Variants in CDC42BPA observed in about 807,000 individuals in gnomAD.
CDC42BPA encodes the protein serine/threonine-protein kinase MRCK alpha.
CDC42BPA carries 80 observed loss-of-function variants against 223.5 expected under a neutral mutation model. The ratio of observed to expected loss-of-function variants is 0.36; its 90% CI spans 0.30 to 0.43. The LOEUF (loss-of-function observed/expected upper bound fraction) is 0.43, where lower values mean the gene tolerates loss of function less well. Among genes scored for constraint, CDC42BPA ranks in the 20% least tolerant of loss-of-function variants. The pLI is 1.00. For synonymous variants in CDC42BPA, 694 were observed against 718.6 expected (o/e 0.97, Z 0.55); for missense variants, 1,743 against 2,099.9 (o/e 0.83, Z 3.32).
intron 5 of CDC42BPA, among the ~76,000 whole-genome samples, chr1:227,179,176 T>G (rs989011770): frequency 6.6e-6 from 1 of 152,022 alleles, no homozygotes; most frequent in Non-Finnish European, 1.5e-5. Context: ...GCTGGGGAAA[T>G]AGGGAAACAG....
At chr1:227,190,104 T>G (rs977767235) in intron 5 of CDC42BPA, among the ~76,000 whole-genome samples, 2 of 152,206 alleles carry the variant, frequency 1.3e-5, no homozygotes, top group African/African-American at 4.8e-5. Context: ...AACTAGTCTA[T>G]TAAGTATTTT....
At chr1:227,104,092 CTAAAT>C (rs2149333544) in intron 14 of CDC42BPA, among the ~76,000 whole-genome samples, 1 of 152,074 alleles carries the variant, frequency 6.6e-6, no homozygotes, top group East Asian at 1.9e-4. Context: ...ATTAAGACTA[CTAAAT>C]TAAATTAGCA....
At chr1:227,195,192 TTTTG>T (rs1012047332) in intron 4 of CDC42BPA, among the ~76,000 whole-genome samples, 24 of 152,070 alleles carry the variant, frequency 1.6e-4, no homozygotes, top group East Asian at 9.7e-4. Context: ...GGCCCAACGT[TTTTG>T]TTTGTTTGTT....
At chr1:227,052,092 AAGG>A (rs1673637804) in intron 21 of CDC42BPA, 107 bp from the exon 22 acceptor site, 2 of 530,716 alleles carry the variant, frequency 3.8e-6, no homozygotes, top group Non-Finnish European at 7.0e-6. Context: ...TTTCTTGAGA[AAGG>A]AGGATAACAA....
intron 16 of CDC42BPA, among the ~76,000 whole-genome samples, chr1:227,091,277 G>A (rs1245470380): frequency 6.6e-6 from 1 of 152,200 alleles, no homozygotes; most frequent in African/African-American, 2.4e-5. Context: ...CGAATCTCAG[G>A]TTGAAATGTG....
At chr1:227,097,283 T>C (rs1684182145) in intron 15 of CDC42BPA, among the ~76,000 whole-genome samples, 1 of 152,096 alleles carries the variant, frequency 6.6e-6, no homozygotes, top group South Asian at 2.1e-4. Context: ...TCTCTGCCTC[T>C]ACTTTTCCAC....
At chr1:227,034,210 T>C (rs906139523) in intron 26 of CDC42BPA, among the ~76,000 whole-genome samples, 3 of 152,162 alleles carry the variant, frequency 2.0e-5, no homozygotes, top group Admixed American at 6.5e-5. Flanking sequence ...GAGAGAGAAC[T>C]AAGGAACACA....
chr1:227,140,619 AG>A (rs1333546201), intron 9 of CDC42BPA, among the ~76,000 whole-genome samples: 2 of 152,164 alleles, frequency 1.3e-5, no homozygotes, highest in African/African-American at 4.8e-5. Context: ...AAAGTAAGGC[AG>A]TCATGTAGGG....
intron 5 of CDC42BPA, chr1:227,183,183 T>C (rs1360234994): frequency 6.6e-6 from 1 of 152,228 alleles, no homozygotes; most frequent in Non-Finnish European, 1.5e-5. Flanking sequence ...GCCTAGTACA[T>C]GCCATTTTAA....
intron 3 of CDC42BPA, among the ~76,000 whole-genome samples, chr1:227,205,394 A>G (rs2150287127): frequency 6.6e-6 from 1 of 151,882 alleles, no homozygotes; most frequent in East Asian, 1.9e-4. Context: ...ATAGAAGTGA[A>G]AAAACAATAC....
At position 226,993,980 on chromosome 1, in the gene CDC42BPA, G is replaced by A. The variant is rs1244294482; in HGVS notation, c.*288C>T. ...ACATTTGTGTAATCTGTCTATTTAAGCTACCTTTGGGAGTAGGGGTAAAAT... is the reference window on the plus strand; with the variant it reads ...ACATTTGTGTAATCTGTCTATTTAAACTACCTTTGGGAGTAGGGGTAAAAT... On this transcript the variant is annotated 3_prime_UTR_variant, in exon 37 of 37. Coordinates refer to ENST00000366766, the MANE Select transcript of CDC42BPA (RefSeq NM_001394014.1). 1 of 309,282 alleles carries A rather than the reference G, an allele frequency of 3.2e-6. No homozygotes were observed. Among genetic ancestry groups the A allele is most frequent in the African/African-American group, 2.2e-5 (1 of 45,800 alleles). 19.2% of individuals were successfully genotyped at this position (309,282 alleles called of 1,614,324 possible).
intron 1 of CDC42BPA, 112 bp from the exon 2 acceptor site, chr1:227,254,267 G>A: frequency 1.7e-6 from 1 of 573,824 alleles, no homozygotes; most frequent in South Asian, 2.4e-5. Context: ...TTTAAGAATT[G>A]TCAAAATATT....
At chr1:227,250,184 T>TA (rs933316484) in intron 2 of CDC42BPA, among the ~76,000 whole-genome samples, 13 of 151,564 alleles carry the variant, frequency 8.6e-5, no homozygotes, top group Non-Finnish European at 1.2e-4. Context: ...CCACAAAAAT[T>TA]AAAAAAAATA....
chr1:227,270,992 G>A (rs1483342411), intron 1 of CDC42BPA, among the ~76,000 whole-genome samples: 1 of 152,068 alleles, frequency 6.6e-6, no homozygotes, highest in East Asian at 1.9e-4. Context: ...TGAAGACTTG[G>A]GGTGTTTACA....
intron 21 of CDC42BPA, among the ~76,000 whole-genome samples, chr1:227,057,051 C>G (rs967582006): frequency 6.6e-6 from 1 of 152,064 alleles, no homozygotes; most frequent in African/African-American, 2.4e-5. Flanking sequence ...AGAATTTACA[C>G]ATATTCTAAG....
In CDC42BPA at chr1:226,994,042, C is replaced by A; in HGVS notation, c.*226G>T. 1 of 489,700 alleles carries A rather than the reference C, an allele frequency of 2.0e-6. No homozygotes were observed. The allele number at this position is 489,700 out of a possible 1,614,324, so 30.3% of individuals were successfully genotyped here. ...CAACTCTAAGTGCATGGAATGAAATCAACGTTAATCTAAGCTGCTACGGAA... is the reference window on the plus strand; with the variant it reads ...CAACTCTAAGTGCATGGAATGAAATAAACGTTAATCTAAGCTGCTACGGAA... On this transcript the variant is annotated 3_prime_UTR_variant, in exon 37 of 37. Coordinates refer to ENST00000366766, the MANE Select transcript of CDC42BPA (RefSeq NM_001394014.1). The surrounding 1 kb of genome is among the most constrained non-coding windows in gnomAD (Gnocchi z 4.0).
intron 5 of CDC42BPA, chr1:227,183,115 CCTAA>C (rs953374915): frequency 1.5e-4 from 23 of 152,274 alleles, no homozygotes; most frequent in African/African-American, 4.8e-4. Context: ...GTTAATTCTC[CCTAA>C]CTGACTCCCT....
intron 3 of CDC42BPA, among the ~76,000 whole-genome samples, chr1:227,204,711 T>C (rs542760884): frequency 2.7e-4 from 41 of 152,308 alleles, no homozygotes; most frequent in African/African-American, 9.6e-4. Flanking sequence ...GTAGCATGAC[T>C]AGTTTTGAAG....
chr1:227,236,600 C>T (rs1197325692), intron 2 of CDC42BPA, among the ~76,000 whole-genome samples: 2 of 152,038 alleles, frequency 1.3e-5, no homozygotes, highest in African/African-American at 4.8e-5. Flanking sequence ...TACCTACATA[C>T]AACTACAAAA....
Sources: allele counts gnomAD v4.1 joint callset (sites outside exome capture counted in the v4.1 genomes callset), GRCh38; gene constraint gnomAD v4.1.1; non-coding constraint Gnocchi (gnomAD v3.1); transcripts MANE v1.5; gene names NCBI Gene and HGNC (gene_info 2026-07-23, HGNC 2026-07-21).